The following SIMC1 variants were observed in gnomAD, a reference collection of about 807,000 sequenced individuals.
The protein encoded by SIMC1 is SUMO-interacting motif-containing protein 1.
Under a neutral mutation model 82.3 loss-of-function variants are expected in SIMC1, and 55 were observed. The ratio of observed to expected loss-of-function variants is 0.67; its 90% CI spans 0.54 to 0.84. The LOEUF is 0.84. Ranked by LOEUF, SIMC1 falls within the 40% of genes least tolerant of loss-of-function variation. The probability of loss-of-function intolerance (pLI) is 0.00; values close to 1 mark genes in which losing one functional copy is unlikely to be tolerated. For missense variants in SIMC1, 915 were observed against 1,107.2 expected, an observed-to-expected ratio of 0.83 and a Z score of 2.46; for synonymous variants, 353 against 426.3, an observed-to-expected ratio of 0.83 and a Z score of 2.12.
chr5:176,327,074 G>A (rs925941168), intron 7 of SIMC1, among the ~76,000 whole-genome samples: 8 of 152,156 alleles, frequency 5.3e-5, no homozygotes, highest in African/African-American at 1.9e-4. Context: ...TTTGTCAGGA[G>A]TATTTCATTT....
rs1766379154 is a variant in SIMC1 at position 176,345,092 on chromosome 5, T to C, written c.2414-91T>C. On this transcript the variant is annotated intron_variant, in intron 9 of 9. Transcript: ENST00000429602. ...TATCCCTGTAGCTAGTCAGCAAGTC[T>C]TTGCCAAGACTCTACCTACCAAAAT... is the stretch of plus-strand genomic sequence containing the variant. The C allele has an allele frequency of 2.0e-6, 3 of 1,507,704 alleles. No homozygotes were observed. In the Admixed American group the frequency reaches 6.5e-5, roughly 33 times the overall value. 93.4% of individuals were successfully genotyped at this position (1,507,704 alleles called of 1,614,324 possible). A position where few individuals can be genotyped will look rare whatever the true frequency, so the allele number is the denominator to read the frequency against.
chr5:176,303,153 A>G (rs1300979116), intron 4 of SIMC1, among the ~76,000 whole-genome samples: 1 of 151,888 alleles, frequency 6.6e-6, no homozygotes, highest in Non-Finnish European at 1.5e-5. Flanking sequence ...CTGTAATCTC[A>G]GCTACCCAGG....
intron 2 of SIMC1, among the ~76,000 whole-genome samples, chr5:176,291,794 T>A (rs1763587845): frequency 6.6e-6 from 1 of 152,178 alleles, no homozygotes; most frequent in Non-Finnish European, 1.5e-5. Flanking sequence ...TTTACCTTTT[T>A]AAGCCTTAGC....
At chr5:176,291,462 G>A (rs1486690342) in intron 2 of SIMC1, among the ~76,000 whole-genome samples, 2 of 150,414 alleles carry the variant, frequency 1.3e-5, no homozygotes, top group South Asian at 4.2e-4. Context: ...TCAGCCTCCC[G>A]AGTAGCTGGG....
intron 4 of SIMC1, chr5:176,308,608 C>T (rs920473001): frequency 6.3e-7 from 1 of 1,583,546 alleles, no homozygotes; most frequent in Non-Finnish European, 8.7e-7. Flanking sequence ...CAAAAGAGTT[C>T]AGAGTCCCTT....
At chr5:176,279,330 C>A (rs1335766236) in intron 1 of SIMC1, among the ~76,000 whole-genome samples, 2 of 152,124 alleles carry the variant, frequency 1.3e-5, no homozygotes, top group African/African-American at 2.4e-5. Context: ...TCCCCTTTAT[C>A]ATTTTTTATT....
At chr5:176,315,903 A>C (rs1162746427) in intron 5 of SIMC1, among the ~76,000 whole-genome samples, 2 of 152,210 alleles carry the variant, frequency 1.3e-5, no homozygotes, top group African/African-American at 4.8e-5. Context: ...GGCCGGGTAC[A>C]GTGGCTCACA....
intron 1 of SIMC1, among the ~76,000 whole-genome samples, chr5:176,244,352 C>T (rs1761364042): frequency 7.7e-6 from 1 of 129,474 alleles, no homozygotes; most frequent in Non-Finnish European, 1.6e-5. Flanking sequence ...GTGGAATAGC[C>T]AACTGGAGAT....
chr5:176,315,857 A>G (rs1313323206), intron 5 of SIMC1, among the ~76,000 whole-genome samples: 2 of 152,216 alleles, frequency 1.3e-5, no homozygotes, highest in African/African-American at 4.8e-5. Flanking sequence ...AACAGAGAGC[A>G]CAAGACAGCA....
chr5:176,271,748 A>G (rs1473041692), intron 1 of SIMC1, among the ~76,000 whole-genome samples: 1 of 150,282 alleles, frequency 6.7e-6, no homozygotes, highest in Admixed American at 6.6e-5. Flanking sequence ...TTAACAAAGA[A>G]ATGAATTCTT....
intron 9 of SIMC1, among the ~76,000 whole-genome samples, chr5:176,339,267 G>A (rs2113417142): frequency 6.6e-6 from 1 of 152,244 alleles, no homozygotes; most frequent in East Asian, 1.9e-4. Flanking sequence ...AGGAGGCTGA[G>A]GCAGGAGAAT....
chr5:176,297,633 T>G (rs1442108914), intron 4 of SIMC1, among the ~76,000 whole-genome samples: 1 of 152,094 alleles, frequency 6.6e-6, no homozygotes, highest in East Asian at 1.9e-4. Flanking sequence ...AAGTTTAATT[T>G]AATGGATCCC....
intron 1 of SIMC1, among the ~76,000 whole-genome samples, chr5:176,250,259 A>T (rs903889396): frequency 6.6e-6 from 1 of 152,120 alleles, no homozygotes; most frequent in African/African-American, 2.4e-5. Context: ...TTCAGTTTCC[A>T]TGTAGTTGTG....
chr5:176,309,003 C>T, intron 4 of SIMC1: 1 of 820,796 alleles, frequency 1.2e-6, no homozygotes, highest in Non-Finnish European at 2.2e-6. Flanking sequence ...GAACTTTCTT[C>T]TCTGGAATAA....
At chr5:176,279,193 C>T (rs1382704815) in intron 1 of SIMC1, among the ~76,000 whole-genome samples, 8 of 152,128 alleles carry the variant, frequency 5.3e-5, no homozygotes, top group Admixed American at 2.0e-4. Context: ...GTGTATGTGT[C>T]GAGGAATTTA....
At chr5:176,280,634 G>A (rs1261159370) in intron 1 of SIMC1, among the ~76,000 whole-genome samples, 1 of 151,968 alleles carries the variant, frequency 6.6e-6, no homozygotes, top group Non-Finnish European at 1.5e-5. Context: ...AGGCCTGGTG[G>A]TGACAAAATC....
chr5:176,275,007 G>T (rs1762622059), intron 1 of SIMC1, among the ~76,000 whole-genome samples: 1 of 151,692 alleles, frequency 6.6e-6, no homozygotes. Context: ...TTCCAATTCT[G>T]TGAAGAAAGT....
intron 1 of SIMC1, among the ~76,000 whole-genome samples, chr5:176,281,319 G>A (rs1762995776): frequency 6.6e-6 from 1 of 152,198 alleles, no homozygotes; most frequent in Non-Finnish European, 1.5e-5. Context: ...GGTTATTCTA[G>A]TTATACATTC....
At chr5:176,252,237 G>A (rs1411326316) in intron 1 of SIMC1, among the ~76,000 whole-genome samples, 27 of 151,072 alleles carry the variant, frequency 1.8e-4, no homozygotes, top group South Asian at 4.2e-4. Flanking sequence ...CCTCCCTCCC[G>A]GACGGGGCGG....
Sources: allele counts gnomAD v4.1 joint callset (sites outside exome capture counted in the v4.1 genomes callset), GRCh38; gene constraint gnomAD v4.1.1; transcripts MANE v1.5; gene names NCBI Gene and HGNC (gene_info 2026-07-23, HGNC 2026-07-21).